The following SPATA13 variants were observed in gnomAD, a reference collection of about 807,000 sequenced individuals.
SPATA13 encodes spermatogenesis associated 13.
A neutral mutation model predicts 104.0 loss-of-function variants in SPATA13; 50 were observed. The observed-to-expected ratio is 0.48, with a 90% CI of 0.38 to 0.61. The LOEUF is 0.61. Ranked by LOEUF, SPATA13 falls within the 20% of genes least tolerant of loss-of-function variation. The pLI is 0.00. For synonymous variants in SPATA13, 606 were observed against 667.5 expected, an observed-to-expected ratio of 0.91 and a Z score of 1.42; for missense variants, 1,524 against 1,690.6, an observed-to-expected ratio of 0.90 and a Z score of 1.73.
At chr13:24,109,668 C>A (rs577972986) in intron 3 of SPATA13, among the ~76,000 whole-genome samples, 13 of 152,128 alleles carry the variant, frequency 8.5e-5, no homozygotes, top group Admixed American at 7.2e-4. Context: ...CTAGAACCTA[C>A]GGAAACTCTT....
chr13:24,285,732 G>A (rs1875891973), intron 5 of SPATA13, among the ~76,000 whole-genome samples: 1 of 149,460 alleles, frequency 6.7e-6, no homozygotes, highest in Non-Finnish European at 1.5e-5. Flanking sequence ...CCAGACTGGA[G>A]TGCAATGGCA....
chr13:24,123,569 C>G (rs1238761279), intron 3 of SPATA13: 11 of 1,608,902 alleles, frequency 6.8e-6, no homozygotes, highest in Non-Finnish European at 9.4e-6. Flanking sequence ...ATCCTATAGT[C>G]TTTTGCAGTA....
chr13:24,287,325 C>G (rs1257905362), intron 7 of SPATA13, among the ~76,000 whole-genome samples: 1 of 152,130 alleles, frequency 6.6e-6, no homozygotes, highest in African/African-American at 2.4e-5. Flanking sequence ...CCACACCCAG[C>G]TAATTTTCTA....
intron 4 of SPATA13, among the ~76,000 whole-genome samples, chr13:24,281,340 C>T (rs550346755): frequency 4.6e-5 from 7 of 152,340 alleles, no homozygotes; most frequent in Middle Eastern, 6.8e-3. Context: ...TGGGGATGGG[C>T]CCAGGCAGGG....
chr13:23,984,354 A>C (rs1357725421), intron 2 of SPATA13, among the ~76,000 whole-genome samples: 2 of 152,244 alleles, frequency 1.3e-5, no homozygotes, highest in African/African-American at 4.8e-5. Flanking sequence ...ATTACTTTAT[A>C]TTCTGCCTTC....
Position 24,011,996 on chromosome 13 carries a change from C to T in SPATA13, c.-146-5671C>T, listed in dbSNP as rs781150131. On this transcript the variant is annotated intron_variant, in intron 2 of 14. Transcript: ENST00000424834. This position sits in a 1 kb window ranked among gnomAD's most constrained non-coding sequence, Gnocchi z 4.3. ...GGCACAGGGACCGGGGCTTGCCCACCACCCTAAACAAAACTTGCTGATGAC... is the reference window on the plus strand; with the variant it reads ...GGCACAGGGACCGGGGCTTGCCCACTACCCTAAACAAAACTTGCTGATGAC... Among the ~76,000 whole-genome samples, 1 of 152,234 alleles carries T rather than the reference C, an allele frequency of 6.6e-6. No individual in the cohort carries two copies. The highest frequency in any genetic ancestry group is 1.5e-5 in the Non-Finnish European group (1 of 68,040).
At chr13:24,192,187 T>A (rs35088272) in intron 1 of SPATA13, among the ~76,000 whole-genome samples, 134,118 of 152,060 alleles carry the variant, frequency 0.88, 61,454 homozygotes, top group East Asian at 1. Flanking sequence ...AAAGCAGCTG[T>A]TGTAAACTCT....
At chr13:24,155,728 A>G (rs1882239972), upstream of SPATA13, among the ~76,000 whole-genome samples, 1 of 152,244 alleles carries the variant, frequency 6.6e-6, no homozygotes, top group Admixed American at 6.5e-5. Context: ...TAAGTGTGCA[A>G]TTCAGTACAT....
At chr13:24,024,282 A>AAGATGAAGTAT (rs142212686) in intron 3 of SPATA13, among the ~76,000 whole-genome samples, 17,871 of 152,014 alleles carry the variant, frequency 0.12, 1,442 homozygotes, top group East Asian at 0.43. Context: ...CTTTGAATGA[A>AAGATGAAGTAT]AGATGAAGTA....
At chr13:24,077,010 G>C (rs961939809) in intron 3 of SPATA13, among the ~76,000 whole-genome samples, 1 of 151,968 alleles carries the variant, frequency 6.6e-6, no homozygotes, top group African/African-American at 2.4e-5. Flanking sequence ...TTGTTGAGGG[G>C]ACCCTGGGTT....
chr13:24,124,895 C>T (rs1881159823), intron 3 of SPATA13, among the ~76,000 whole-genome samples: 2 of 152,098 alleles, frequency 1.3e-5, no homozygotes, highest in Admixed American at 1.3e-4. Context: ...TTTTCTATCA[C>T]AGCCTGCCTG....
At position 24,289,094 on chromosome 13, in the gene SPATA13, A is replaced by C; in HGVS notation, c.2763A>C (p.Gln921His). Residue 921 changes from glutamine to histidine, a missense_variant, in exon 8 of 13, where the codon CAA becomes CAC. This residue lies in a region of SPATA13 where 435 missense variants were observed against 554.8 expected (regional missense o/e 0.78). Coordinates refer to ENST00000382108, the MANE Select transcript of SPATA13 (RefSeq NM_001166271.3). ...ACATTGAAGATATTTACAAATTCCA[A>C]AGAAAGTTTCTGAAAGACCTTGAGA... ...FGNIEDIYKFQRKFLKDLEKQ... is the reference protein window; with the variant it reads ...FGNIEDIYKFHRKFLKDLEKQ... The C allele has an allele frequency of 6.2e-7, 1 of 1,613,958 alleles. No homozygotes were observed. Among genetic ancestry groups the C allele is most frequent in the Non-Finnish European group, 8.5e-7 (1 of 1,179,968 alleles).
chr13:24,077,514 A>G (rs9578676), intron 3 of SPATA13, among the ~76,000 whole-genome samples: 18,459 of 152,100 alleles, frequency 0.12, 1,751 homozygotes, highest in African/African-American at 0.26. Context: ...AAAATTTCCT[A>G]TCAGGTACAA....
At position 24,011,564 on chromosome 13, in the gene SPATA13, A is replaced by T. The variant is rs1437406015; in HGVS notation, c.-146-6103A>T. 6.6e-6 allele frequency among the ~76,000 whole-genome samples: 1 copy of T among 152,170 alleles called. No homozygotes were observed. Among genetic ancestry groups the T allele is most frequent in the East Asian group, 1.9e-4 (1 of 5,196 alleles). On this transcript the variant is annotated intron_variant, in intron 2 of 14. Coordinates refer to the SPATA13 transcript ENST00000424834. This position sits in a 1 kb window ranked among gnomAD's most constrained non-coding sequence, Gnocchi z 4.3. ...CAGCTGTGGGCTGGCCATGCTCCTG[A>T]TGGGCCTGATATGGATACAGACTAG...
At chr13:24,091,616 G>A (rs1024661443) in intron 3 of SPATA13, among the ~76,000 whole-genome samples, 1 of 152,188 alleles carries the variant, frequency 6.6e-6, no homozygotes, top group African/African-American at 2.4e-5. Flanking sequence ...TCTGAGACCA[G>A]TTTGGCCAAC....
rs75253852 is a variant in SPATA13, at chr13:24,224,349, C to T, written c.1420C>T (p.Pro474Ser). The change falls in exon 2 of 13, where the codon CCT becomes TCT. Residue 474 changes from proline to serine, a missense_variant. Transcript: ENST00000382108. ...LRPTTPKPQS[P>S]QSPQSPGAGS... ...GCCCACCACACCCAAGCCCCAGAGC[C>T]CTCAGAGCCCCCAGAGCCCCGGGGC... 269 of 1,551,706 alleles carry T rather than the reference C, an allele frequency of 1.7e-4. 2 individuals are homozygous for T. The East Asian group carries it at 4.4e-3, about 26-fold the overall frequency.
At chr13:24,264,674 T>C (rs1204024062) in intron 4 of SPATA13, among the ~76,000 whole-genome samples, 1 of 152,208 alleles carries the variant, frequency 6.6e-6, no homozygotes, top group Non-Finnish European at 1.5e-5. Context: ...CAATCCCTGT[T>C]GTGTTCTTGT....
At chr13:24,148,240 G>T (rs565064573) in intron 3 of SPATA13, among the ~76,000 whole-genome samples, 2 of 152,234 alleles carry the variant, frequency 1.3e-5, no homozygotes, top group East Asian at 1.9e-4. Context: ...TTTTGATTAC[G>T]ATCGTTACTA....
chr13:24,108,227 G>C (rs186693449), intron 3 of SPATA13, among the ~76,000 whole-genome samples: 79 of 152,318 alleles, frequency 5.2e-4, no homozygotes, highest in Admixed American at 2.5e-3. Flanking sequence ...CCGCCTAAAG[G>C]CTCCACCTCT....
Sources: allele counts gnomAD v4.1 joint callset (sites outside exome capture counted in the v4.1 genomes callset), GRCh38; gene constraint gnomAD v4.1.1; regional missense constraint gnomAD v4.1.1; non-coding constraint Gnocchi (gnomAD v3.1); transcripts MANE v1.5; gene names NCBI Gene and HGNC (gene_info 2026-07-23, HGNC 2026-07-21).